The following TCERG1 variants were observed in gnomAD, a reference collection of about 807,000 sequenced individuals.
TCERG1 encodes TATA box binding protein (TBP)-associated factor, RNA polymerase II, S, 150kD.
In TCERG1, 37 loss-of-function variants were observed where a neutral mutation model predicts 144.7. That is an observed-to-expected ratio of 0.26 (90% CI 0.20 to 0.34). TCERG1 has a LOEUF of 0.34. Ranked by LOEUF, TCERG1 falls within the 10% of genes least tolerant of loss-of-function variation. The probability of loss-of-function intolerance (pLI) is 1.00; values close to 1 mark genes in which losing one functional copy is unlikely to be tolerated. For missense variants in TCERG1, 1,027 were observed against 1,380.7 expected (o/e 0.74, Z 4.06); for synonymous variants, 492 against 458.2 (o/e 1.07, Z -0.94).
chr5:146,480,109 C>A lies in TCERG1; in HGVS notation c.1886+15C>A. The A allele has an allele frequency of 1.9e-6, 3 of 1,559,102 alleles. No individual in the cohort carries two copies. The highest frequency in any genetic ancestry group is 1.2e-5 in the South Asian group (1 of 84,266). On this transcript the variant is annotated intron_variant, in intron 12 of 22. Coordinates refer to ENST00000679501, the MANE Select transcript of TCERG1 (RefSeq NM_001382548.1). ...AAAAAACGGAAGTAAGTAATACATA[C>A]GATTTGATTGAGGTAGATTATATCT...
At chr5:146,476,204 G>C (rs1022815832) in intron 9 of TCERG1, among the ~76,000 whole-genome samples, 1 of 152,110 alleles carries the variant, frequency 6.6e-6, no homozygotes, top group African/African-American at 2.4e-5. Context: ...GGCAGACCCA[G>C]CTGGAAGATA....
chr5:146,501,688 C>T (rs73309477), intron 17 of TCERG1, among the ~76,000 whole-genome samples: 11,648 of 152,114 alleles, frequency 0.077, 493 homozygotes, highest in Middle Eastern at 0.12. Context: ...TAAGTTACAT[C>T]ACTACATCAG....
intron 1 of TCERG1, among the ~76,000 whole-genome samples, chr5:146,448,027 C>T (rs569241508): frequency 1.9e-4 from 29 of 152,316 alleles, no homozygotes; most frequent in African/African-American, 6.3e-4. Context: ...AGGCACTTAC[C>T]GTGTGCCAGT....
intron 14 of TCERG1, among the ~76,000 whole-genome samples, chr5:146,483,116 C>A (rs549154406): frequency 6.6e-6 from 1 of 152,036 alleles, no homozygotes; most frequent in Non-Finnish European, 1.5e-5. Flanking sequence ...TTATTATTTG[C>A]AATTTAATTG....
intron 5 of TCERG1, among the ~76,000 whole-genome samples, chr5:146,466,549 A>G (rs142582632): frequency 6.6e-6 from 1 of 152,290 alleles, no homozygotes; most frequent in East Asian, 1.9e-4. Flanking sequence ...CTTATTTCTT[A>G]GATAATAATT....
At chr5:146,508,619 TA>T (rs1157472996) in intron 21 of TCERG1, among the ~76,000 whole-genome samples, 4 of 152,204 alleles carry the variant, frequency 2.6e-5, no homozygotes, top group Non-Finnish European at 5.9e-5. Flanking sequence ...GAATTGATAA[TA>T]AAGTCTTTTT....
intron 15 of TCERG1, among the ~76,000 whole-genome samples, chr5:146,490,746 T>G (rs1381805442): frequency 6.6e-6 from 1 of 152,210 alleles, no homozygotes; most frequent in African/African-American, 2.4e-5. Context: ...TCCAGTTTTC[T>G]CTGTTTTTTC....
At chr5:146,471,434 A>C in intron 8 of TCERG1, 54 bp from the exon 9 acceptor site, 1 of 1,492,576 alleles carries the variant, frequency 6.7e-7, no homozygotes, top group Non-Finnish European at 9.1e-7. Flanking sequence ...GTTTTTGTGG[A>C]ACATTCAGGT....
chr5:146,476,727 A>G (rs926170146), intron 9 of TCERG1, among the ~76,000 whole-genome samples: 2 of 152,072 alleles, frequency 1.3e-5, no homozygotes, highest in African/African-American at 2.4e-5. Flanking sequence ...TAATTTTCGG[A>G]CTTGGGGGTC....
chr5:146,481,365 T>A (rs1490425238), intron 13 of TCERG1, 165 bp downstream of exon 13: 3 of 182,654 alleles, frequency 1.6e-5, no homozygotes, highest in Non-Finnish European at 2.1e-5. Context: ...TCTAACTATT[T>A]AAATAGTTTT....
chr5:146,479,229 T>A (rs1476110176), intron 10 of TCERG1, among the ~76,000 whole-genome samples: 3 of 152,156 alleles, frequency 2.0e-5, no homozygotes, highest in Non-Finnish European at 4.4e-5. Context: ...TGTGTTGATA[T>A]GATTGTGTTT....
chr5:146,453,916 G>A (rs1202290978), intron 1 of TCERG1, among the ~76,000 whole-genome samples: 4 of 151,582 alleles, frequency 2.6e-5, no homozygotes, highest in African/African-American at 7.3e-5. Flanking sequence ...CATTCCTTCC[G>A]GCCAGGCGCT....
In TCERG1 at chr5:146,478,538, C is replaced by T. The variant is rs1231303975; in HGVS notation, c.1647C>T (p.Pro549=). The change falls in exon 10 of 23, where the codon CCC becomes CCT. Residue 549 remains proline (P), a synonymous_variant. Transcript: ENST00000679501. ...TGDERVFFYN[P]TTRLSMWDRP... ...ATGAGCGGGTCTTCTTTTATAATCC[C>T]ACCACTCGTCTTTCTATGTGGGACC... 5 of 1,609,664 alleles carry T rather than the reference C, an allele frequency of 3.1e-6. No homozygotes were observed. The highest frequency in any genetic ancestry group is 4.2e-6 in the Non-Finnish European group (5 of 1,178,794).
chr5:146,469,640 T>G lies in TCERG1; in HGVS notation c.1295T>G (p.Val432Gly). Residue 432 changes from valine to glycine, a missense_variant, in exon 7 of 23, where the codon GTT becomes GGT. Val to Gly is a moderately radical substitution (Grantham distance 109). Transcript: ENST00000679501. ...GCTACCTTAGCTGGAGCAACAGCAG[T>G]TTCTGAATGGACTGAATATAAAACA... is the stretch of plus-strand genomic sequence containing the variant. ...SPATLAGATAVSEWTEYKTAD... is the reference protein window; with the variant it reads ...SPATLAGATAGSEWTEYKTAD... The G allele has an allele frequency of 6.2e-7, 1 of 1,613,694 alleles. No homozygotes were observed. The highest frequency in any genetic ancestry group is 8.5e-7 in the Non-Finnish European group (1 of 1,179,768).
chr5:146,475,944 A>G (rs1764804166), intron 9 of TCERG1, among the ~76,000 whole-genome samples: 1 of 152,080 alleles, frequency 6.6e-6, no homozygotes, highest in African/African-American at 2.4e-5. Flanking sequence ...TGCAGTTTTT[A>G]TCCTTATTGA....
intron 15 of TCERG1, among the ~76,000 whole-genome samples, chr5:146,484,784 A>G (rs1765675611): frequency 1.3e-5 from 2 of 152,100 alleles, no homozygotes; most frequent in African/African-American, 4.8e-5. Context: ...CAAATCTATA[A>G]TCTACCTTCA....
chr5:146,505,283 T>G (rs958514160), intron 19 of TCERG1, among the ~76,000 whole-genome samples: 5 of 152,112 alleles, frequency 3.3e-5, no homozygotes, highest in African/African-American at 9.7e-5. Flanking sequence ...TCCCTCAAAT[T>G]TATCCGTTCT....
In TCERG1 at chr5:146,507,993, A is replaced by G. The variant is rs368013081; in HGVS notation, c.3045+37A>G. 1.3e-5 allele frequency: 19 copies of G among 1,494,838 alleles called. No homozygotes were observed. In the African/African-American group the frequency reaches 2.2e-4, roughly 18 times the overall value. 92.6% of individuals were successfully genotyped at this position (1,494,838 alleles called of 1,614,324 possible). Reference sequence around the variant, plus strand: ...TTGTGTCGAGATTTACTGTCAGTCTATAAATACTTAAATCGGGGCCTAACA... The same window carrying G: ...TTGTGTCGAGATTTACTGTCAGTCTGTAAATACTTAAATCGGGGCCTAACA... On this transcript the variant is annotated intron_variant, in intron 21 of 22. Transcript: ENST00000679501. The surrounding 1 kb of genome is among the most constrained non-coding windows in gnomAD (Gnocchi z 4.6).
intron 5 of TCERG1, among the ~76,000 whole-genome samples, chr5:146,465,854 C>A (rs1468432940): frequency 1.3e-5 from 2 of 151,890 alleles, no homozygotes; most frequent in Non-Finnish European, 2.9e-5. Flanking sequence ...CATGGAGAAA[C>A]CCCATCTCTA....
Sources: gnomAD v4.1 joint callset for allele counts (sites outside exome capture counted in the v4.1 genomes callset) on GRCh38, gnomAD v4.1.1 for gene constraint, Gnocchi (gnomAD v3.1) non-coding constraint, MANE v1.5 for transcripts, NCBI Gene and HGNC (gene_info 2026-07-23, HGNC 2026-07-21) for gene names.